The following ENTPD3 variants were observed in gnomAD, a reference collection of about 807,000 sequenced individuals.
ENTPD3 encodes the protein CD39 antigen-like 3.
In ENTPD3, 60 loss-of-function variants were observed where a neutral mutation model predicts 51.2. That is an observed-to-expected ratio of 1.17 (90% CI 0.95 to 1.45). The LOEUF (loss-of-function observed/expected upper bound fraction) is 1.45. Among genes scored for constraint, ENTPD3 ranks in the 40% most tolerant of loss-of-function variants. The pLI is 0.00. For synonymous variants in ENTPD3, 221 were observed against 238.4 expected (o/e 0.93, Z 0.67); for missense variants, 593 against 641.1 (o/e 0.93, Z 0.81).
chr3:40,424,812 C>A (rs1323360671), intron 10 of ENTPD3: 1 of 701,424 alleles, frequency 1.4e-6, no homozygotes. Flanking sequence ...TCAGCCTGTT[C>A]AATACCAGCT....
chr3:40,427,348 T>C lies in ENTPD3; in HGVS notation c.1430T>C (p.Leu477Pro). ...AACCAGATCCCAGCTGAAAGCCCTC[T>C]GATCCGTCTGCCCATAGAACCACCT... ...LTNQIPAESP[L>P]IRLPIEPPVF... The change falls in exon 11 of 11, where the codon CTG (leucine) becomes CCG (proline). Residue 477 changes from leucine (L) to proline (P), a missense_variant. Transcript: ENST00000301825. 6.2e-7 allele frequency: 1 copy of C among 1,614,210 alleles called. No homozygotes were observed.
chr3:40,422,837 CTT>C lies in ENTPD3; in HGVS notation c.832-12_832-11del, dbSNP rs768892964. 1 of 1,606,162 alleles carries C rather than the reference CTT, an allele frequency of 6.2e-7. No individual in the cohort carries two copies. The highest frequency in any genetic ancestry group is 1.1e-5 in the South Asian group (1 of 90,730). On this transcript the variant is annotated splice_polypyrimidine_tract_variant and intron_variant, in intron 7 of 10. Coordinates refer to ENST00000301825, the MANE Select transcript of ENTPD3 (RefSeq NM_001248.4). Reference sequence around the variant, plus strand: ...AAACATACGTGTCTAACACCTTACTCTTATACCTACAGAATTCTCCTACCAAA... The same window carrying C: ...AAACATACGTGTCTAACACCTTACTCATACCTACAGAATTCTCCTACCAAA...
intron 7 of ENTPD3, among the ~76,000 whole-genome samples, chr3:40,419,417 T>C (rs1337891199): frequency 2.0e-5 from 3 of 152,232 alleles, no homozygotes. Flanking sequence ...TTTTCTGTTC[T>C]ATACATTCAT....
At chr3:40,425,416 C>CA (rs528165365) in intron 10 of ENTPD3, among the ~76,000 whole-genome samples, 1 of 151,056 alleles carries the variant, frequency 6.6e-6, no homozygotes, top group East Asian at 2.0e-4. Flanking sequence ...AACTCCATCT[C>CA]AAAAAATAAA....
chr3:40,391,308 T>C (rs1955049791), intron 2 of ENTPD3: 1 of 152,176 alleles, frequency 6.6e-6, no homozygotes, highest in Non-Finnish European at 1.5e-5. Context: ...TGAAATATTC[T>C]ATGAGATTAT....
rs1955339402 is a variant in ENTPD3, at chr3:40,400,889, T to C, written c.169-5T>C. The C allele has an allele frequency of 6.2e-7, 1 of 1,610,702 alleles. No individual in the cohort carries two copies. The highest frequency in any genetic ancestry group is 8.5e-7 in the Non-Finnish European group (1 of 1,177,114). On this transcript the variant is annotated splice_polypyrimidine_tract_variant and splice_region_variant and intron_variant, in intron 3 of 10. Transcript: ENST00000301825. ...TTCTGACTCTCCCTTTCCCTTTTTA[T>C]TCAGTATGGTATTGTGCTGGATGCC...
At chr3:40,401,125 G>T (rs1346218982) in intron 4 of ENTPD3, 114 bp downstream of exon 4, 1 of 774,874 alleles carries the variant, frequency 1.3e-6, no homozygotes, top group East Asian at 2.5e-5. Context: ...ATGAGCATTG[G>T]ACTGGGAGTC....
chr3:40,423,400 A>T lies in ENTPD3; in HGVS notation c.1214A>T (p.Gln405Leu). The change falls in exon 9 of 11, where the codon CAG becomes CTG. Residue 405 changes from glutamine to leucine, a missense_variant and splice_region_variant. Coordinates refer to ENST00000301825, the MANE Select transcript of ENTPD3 (RefSeq NM_001248.4). ...AATTTCTGCTCACAGAATTGGAGTCAGGTCAGTATTTAAAGAGAAGGGATC... is the reference window on the plus strand; with the variant it reads ...AATTTCTGCTCACAGAATTGGAGTCTGGTCAGTATTTAAAGAGAAGGGATC... The part of the protein sequence containing the change: ...TWNFCSQNWS[Q>L]LPLLLPKFDE... 6.2e-7 allele frequency: 1 copy of T among 1,602,042 alleles called. No individual in the cohort carries two copies. The highest frequency in any genetic ancestry group is 1.1e-5 in the South Asian group (1 of 90,682).
chr3:40,410,236 T>G (rs1380800549), intron 4 of ENTPD3, among the ~76,000 whole-genome samples: 2 of 151,430 alleles, frequency 1.3e-5, no homozygotes, highest in African/African-American at 4.9e-5. Flanking sequence ...AGGCCAGGAG[T>G]TCGAGACCAG....
At chr3:40,393,277 C>G (rs1191007722) in intron 3 of ENTPD3, among the ~76,000 whole-genome samples, 1 of 152,118 alleles carries the variant, frequency 6.6e-6, no homozygotes, top group African/African-American at 2.4e-5. Flanking sequence ...TTTATAGTCT[C>G]TGTTTTATAA....
At chr3:40,392,255 C>G in intron 3 of ENTPD3, 105 bp downstream of exon 3, 1 of 1,373,704 alleles carries the variant, frequency 7.3e-7, no homozygotes, top group Non-Finnish European at 1.0e-6. Flanking sequence ...CCTTTCCCCC[C>G]ATCTCTGGCT....
In ENTPD3 at chr3:40,423,080, T is replaced by C. The variant is rs770720390; in HGVS notation, c.1062T>C (p.Ser354=). The change falls in exon 8 of 11, where the codon TCT becomes TCC. Residue 354 remains serine (S), a synonymous_variant. Transcript: ENST00000301825. ...CTTGCCATGATCAAGAAACCTGTTC[T>C]TTTGATGGGGTTTATCAGCCAAAGA... ...FKACHDQETC[S]FDGVYQPKIK... is the part of the protein sequence containing the mutation. 2 of 1,614,050 alleles carry C rather than the reference T, an allele frequency of 1.2e-6. No individual in the cohort carries two copies. The highest frequency in any genetic ancestry group is 1.7e-6 in the Non-Finnish European group (2 of 1,179,920).
chr3:40,388,139 T>C lies in ENTPD3; in HGVS notation c.40+42T>C, dbSNP rs576619789. ...AGGTAGCAAGCGTGGTTTTGCCAAA[T>C]CGCAAGAGAACCCCAGCTTCGGCCT... is the stretch of plus-strand genomic sequence containing the variant. On this transcript the variant is annotated intron_variant, in intron 2 of 10. Transcript: ENST00000301825. The C allele has an allele frequency of 3.4e-5, 54 of 1,595,504 alleles. No individual in the cohort carries two copies. The South Asian group carries it at 5.7e-4, about 17-fold the overall frequency.
chr3:40,400,584 C>CA (rs1242888979), intron 3 of ENTPD3, among the ~76,000 whole-genome samples: 3 of 152,094 alleles, frequency 2.0e-5, no homozygotes, highest in African/African-American at 7.2e-5. Context: ...AGTCCACTCT[C>CA]AGAGATTCTG....
At chr3:40,412,632 A>G (rs1361584712) in intron 5 of ENTPD3, among the ~76,000 whole-genome samples, 1 of 152,234 alleles carries the variant, frequency 6.6e-6, no homozygotes. Flanking sequence ...TACTACTCCA[A>G]GTGTTGGAAT....
At chr3:40,406,645 C>T (rs75429245) in intron 4 of ENTPD3, among the ~76,000 whole-genome samples, 7 of 152,090 alleles carry the variant, frequency 4.6e-5, no homozygotes, top group African/African-American at 1.7e-4. Context: ...GAATTTGTCT[C>T]CCGGGAAACA....
chr3:40,387,319 G>C (rs1006438298), intron 1 of ENTPD3, 58 bp downstream of exon 1: 2 of 152,734 alleles, frequency 1.3e-5, no homozygotes, highest in African/African-American at 4.8e-5. Context: ...GGTGCTGCGT[G>C]AGACTGAGAG....
rs41286048 is a variant in ENTPD3, at chr3:40,414,325, A to G, written c.438-356A>G. Among the ~76,000 whole-genome samples, 1,267 of 152,340 alleles carry G rather than the reference A, an allele frequency of 8.3e-3. 12 individuals carry two copies. Among genetic ancestry groups the G allele is most frequent in the Admixed American group, 0.012 (187 of 15,304 alleles). Reference sequence around the variant, plus strand: ...CCAAGAGATTATTTATGCCACTCTTATGACTTCATCAATCCCCTTTCCTCT... The same window carrying G: ...CCAAGAGATTATTTATGCCACTCTTGTGACTTCATCAATCCCCTTTCCTCT... On this transcript the variant is annotated intron_variant, in intron 5 of 10. Coordinates refer to ENST00000301825, the MANE Select transcript of ENTPD3 (RefSeq NM_001248.4).
At chr3:40,409,385 C>T (rs1955576835) in intron 4 of ENTPD3, among the ~76,000 whole-genome samples, 1 of 152,170 alleles carries the variant, frequency 6.6e-6, no homozygotes, top group African/African-American at 2.4e-5. Context: ...ATCAAGCCCA[C>T]GGCTTATGGT....
Sources: gnomAD v4.1 joint callset for allele counts (sites outside exome capture counted in the v4.1 genomes callset) on GRCh38, gnomAD v4.1.1 for gene constraint, MANE v1.5 for transcripts, NCBI Gene and HGNC (gene_info 2026-07-23, HGNC 2026-07-21) for gene names.